RABGAP1: variants seen among roughly 807,000 people sequenced by gnomAD.
RABGAP1 encodes the protein rab GTPase-activating protein 1.
RABGAP1 carries 23 observed loss-of-function variants against 137.6 expected under a neutral mutation model. The ratio of observed to expected loss-of-function variants is 0.17; its 90% CI spans 0.12 to 0.24. The LOEUF is 0.24. Ranked by LOEUF, RABGAP1 falls within the 10% of genes least tolerant of loss-of-function variation. The probability of loss-of-function intolerance (pLI) is 1.00; values close to 1 mark genes in which losing one functional copy is unlikely to be tolerated. For synonymous variants in RABGAP1, 451 were observed against 450.7 expected (o/e 1.00, Z -0.01); for missense variants, 906 against 1,275.8 (o/e 0.71, Z 4.42).
At position 123,098,709 on chromosome 9, in the gene RABGAP1, G is replaced by A; in HGVS notation, c.2734-6G>A. 6.2e-7 allele frequency: 1 copy of A among 1,610,110 alleles called. No homozygotes were observed. Among genetic ancestry groups the A allele is most frequent in the East Asian group, 2.2e-5 (1 of 44,838 alleles). ...CATAGTCCCTTTTGTTTTTTTATGT[G>A]TGCAGTTAAAAGAAATGTGCCGTCG... On this transcript the variant is annotated splice_region_variant and splice_polypyrimidine_tract_variant and intron_variant, in intron 22 of 25. Transcript: ENST00000373647.
chr9:122,961,189 A>G (rs1834834011), intron 2 of RABGAP1, among the ~76,000 whole-genome samples: 1 of 152,194 alleles, frequency 6.6e-6, no homozygotes, highest in Non-Finnish European at 1.5e-5. Context: ...AACTCCATGT[A>G]GGATAGATGC....
chr9:122,997,215 C>G, intron 8 of RABGAP1, 44 bp from the exon 9 acceptor site: 1 of 1,446,632 alleles, frequency 6.9e-7, no homozygotes, highest in Non-Finnish European at 9.5e-7. Flanking sequence ...AACTGTTGTT[C>G]ACTCACTGTG....
intron 2 of RABGAP1, among the ~76,000 whole-genome samples, chr9:122,963,382 C>T (rs946201158): frequency 2.0e-5 from 3 of 152,150 alleles, no homozygotes; most frequent in South Asian, 2.1e-4. Context: ...AGAACACTCA[C>T]CCCAACAATA....
At chr9:122,992,212 A>G (rs1588230066) in intron 6 of RABGAP1, among the ~76,000 whole-genome samples, 1 of 151,202 alleles carries the variant, frequency 6.6e-6, no homozygotes, top group African/African-American at 2.4e-5. Flanking sequence ...AATTTTTTCT[A>G]TTTTTCAGTA....
chr9:123,014,379 C>T (rs1169822484), intron 11 of RABGAP1, among the ~76,000 whole-genome samples: 2 of 151,912 alleles, frequency 1.3e-5, no homozygotes, highest in African/African-American at 4.8e-5. Context: ...TAATATTTCC[C>T]ATTTTAGAAA....
chr9:123,090,442 CAA>C (rs1333646101), intron 21 of RABGAP1, 57 bp downstream of exon 21: 2 of 1,358,878 alleles, frequency 1.5e-6, no homozygotes, highest in Non-Finnish European at 2.0e-6. Context: ...CTTTTCCCCT[CAA>C]GAGAAATCCT....
chr9:122,948,397 C>T (rs549594641), intron 1 of RABGAP1, among the ~76,000 whole-genome samples: 9 of 152,160 alleles, frequency 5.9e-5, no homozygotes, highest in Middle Eastern at 3.4e-3. Context: ...GGATCAAGTT[C>T]CACAATTTTC....
intron 14 of RABGAP1, 76 bp downstream of exon 14, chr9:123,065,537 C>T: frequency 9.3e-7 from 1 of 1,078,446 alleles, no homozygotes. Flanking sequence ...GAAACAACTA[C>T]AAAGTGTAAT....
chr9:123,084,880 A>G (rs2034819452), intron 19 of RABGAP1, among the ~76,000 whole-genome samples: 1 of 152,208 alleles, frequency 6.6e-6, no homozygotes, highest in South Asian at 2.1e-4. Context: ...CCTTGGTCAC[A>G]CAGTAAGTCA....
chr9:122,997,161 T>C, intron 8 of RABGAP1, 98 bp from the exon 9 acceptor site: 3 of 810,454 alleles, frequency 3.7e-6, no homozygotes, highest in Non-Finnish European at 5.9e-6. Flanking sequence ...CATATTCTTA[T>C]ATTTTTGCAG....
At chr9:122,948,207 G>A (rs1564350575) in intron 1 of RABGAP1, among the ~76,000 whole-genome samples, 1 of 152,086 alleles carries the variant, frequency 6.6e-6, no homozygotes, top group African/African-American at 2.4e-5. Flanking sequence ...TTCTTTTGTT[G>A]CATCCTGTCT....
chr9:122,989,368 G>A lies in RABGAP1; in HGVS notation c.662G>A (p.Gly221Glu). Residue 221 changes from glycine to glutamate, a missense_variant, in exon 5 of 26, where the codon GGG becomes GAG. By Grantham distance (98) the Gly-to-Glu change is moderately conservative. Transcript: ENST00000373647. ...PIYKILFCVR[G>E]HDGTPESDCF... ...TACAAAATCCTCTTCTGTGTCAGAG[G>A]GCATGATGGAACTCCTGAGAGTGAC... The A allele has an allele frequency of 6.2e-7, 1 of 1,613,812 alleles. No individual in the cohort carries two copies.
intron 19 of RABGAP1, among the ~76,000 whole-genome samples, chr9:123,080,129 T>G (rs2034661593): frequency 6.6e-6 from 1 of 152,218 alleles, no homozygotes; most frequent in African/African-American, 2.4e-5. Context: ...TATGGATCCT[T>G]TATTTCCATA....
intron 13 of RABGAP1, among the ~76,000 whole-genome samples, chr9:123,037,835 G>A (rs1419789355): frequency 1.3e-5 from 2 of 152,004 alleles, no homozygotes; most frequent in African/African-American, 4.8e-5. Flanking sequence ...ATGTTTAACT[G>A]AACTTTTCAT....
intron 4 of RABGAP1, among the ~76,000 whole-genome samples, chr9:122,987,493 A>T (rs1836433232): frequency 6.6e-6 from 1 of 152,086 alleles, no homozygotes; most frequent in Non-Finnish European, 1.5e-5. Context: ...TACATAATTT[A>T]CAACTGTTAG....
intron 2 of RABGAP1, among the ~76,000 whole-genome samples, chr9:122,976,706 A>T (rs545340091): frequency 6.6e-6 from 1 of 152,338 alleles, no homozygotes; most frequent in Non-Finnish European, 1.5e-5. Context: ...GGATATAAAG[A>T]TAATTTAACA....
chr9:123,077,044 C>T (rs1341744996), intron 19 of RABGAP1: 3 of 63,120 alleles, frequency 4.8e-5, no homozygotes, highest in Non-Finnish European at 1.7e-4. Context: ...ATTAATATCC[C>T]TGTTTTGAGA....
chr9:122,977,300 A>G (rs1835813101), intron 2 of RABGAP1, among the ~76,000 whole-genome samples: 1 of 152,262 alleles, frequency 6.6e-6, no homozygotes, highest in African/African-American at 2.4e-5. Flanking sequence ...AAAAATGGAC[A>G]GACAAGGGTC....
rs779430524 is a variant in RABGAP1 at position 122,986,299 on chromosome 9, C to T, written c.470C>T (p.Ser157Leu). Residue 157 changes from serine (S) to leucine (L), a missense_variant, in exon 4 of 26, where the codon TCG becomes TTG. By Grantham distance (145) the Ser-to-Leu change is moderately radical. Transcript: ENST00000373647. ...AAACTGACTTACTTAGGCTGTGCCT[C>T]GGTAAATGCTCCCAGGAGTGAAGTG... ...FSKLTYLGCA[S>L]VNAPRSEVEA... 15 of 1,613,954 alleles carry T rather than the reference C, an allele frequency of 9.3e-6. No individual in the cohort carries two copies. Among genetic ancestry groups the T allele is most frequent in the East Asian group, 2.2e-5 (1 of 44,890 alleles).
Sources: allele counts gnomAD v4.1 joint callset (sites outside exome capture counted in the v4.1 genomes callset), GRCh38; gene constraint gnomAD v4.1.1; transcripts MANE v1.5; gene names NCBI Gene and HGNC (gene_info 2026-07-23, HGNC 2026-07-21).